SLAMF9: variants seen among roughly 807,000 people sequenced by gnomAD.
SLAMF9 encodes CD2 family member 10.
A neutral mutation model predicts 30.4 loss-of-function variants in SLAMF9; 25 were observed. The ratio of observed to expected loss-of-function variants is 0.82; its 90% CI spans 0.60 to 1.15. The LOEUF is 1.15. Ranked by LOEUF, SLAMF9 falls within the 50% of genes most tolerant of loss-of-function variation. SLAMF9 has a pLI of 0.00. For synonymous variants in SLAMF9, 129 were observed against 127.2 expected, an observed-to-expected ratio of 1.01 and a Z score of -0.09; for missense variants, 344 against 346.1, an observed-to-expected ratio of 0.99 and a Z score of 0.05.
At chr1:159,962,565 G>A in the SLAMF9 span, among the ~76,000 whole-genome samples, 3 of 152,066 alleles carry the variant, frequency 2.0e-5, no homozygotes, top group Non-Finnish European at 2.9e-5. Context: ...GGAGGGAACT[G>A]AGATTCAGAA....
the SLAMF9 span, among the ~76,000 whole-genome samples, chr1:159,975,740 C>T: frequency 6.6e-6 from 1 of 151,888 alleles, no homozygotes; most frequent in Non-Finnish European, 1.5e-5. Context: ...AAAAGGAGGG[C>T]GTAGATCAGA....
chr1:159,974,156 G>A, the SLAMF9 span: 1 of 905,778 alleles, frequency 1.1e-6, no homozygotes, highest in Non-Finnish European at 1.7e-6. Flanking sequence ...CTCTGCTGGG[G>A]ATGGAGGCCC....
the SLAMF9 span, among the ~76,000 whole-genome samples, chr1:159,966,519 A>T: frequency 6.6e-6 from 1 of 152,168 alleles, no homozygotes; most frequent in Non-Finnish European, 1.5e-5. Context: ...TTACATTTTT[A>T]GTTTTTTGAG....
intron 1 of SLAMF9, 98 bp from the exon 2 acceptor site, chr1:159,953,751 C>T (rs1214320666): frequency 1.8e-6 from 2 of 1,088,568 alleles, no homozygotes; most frequent in Admixed American, 5.4e-5. Flanking sequence ...CTCAGCTGGG[C>T]AGCTTCTATG....
the SLAMF9 span, among the ~76,000 whole-genome samples, chr1:159,966,627 T>A: frequency 1.3e-5 from 2 of 152,226 alleles, no homozygotes; most frequent in Non-Finnish European, 2.9e-5. Flanking sequence ...TCAACACATG[T>A]TATCTTTTAT....
At chr1:159,976,362 C>T in the SLAMF9 span, among the ~76,000 whole-genome samples, 7 of 152,148 alleles carry the variant, frequency 4.6e-5, no homozygotes, top group East Asian at 1.2e-3. Context: ...CTAAAAGCAA[C>T]ATGTGAAGCC....
chr1:159,961,431 T>A, the SLAMF9 span: 1 of 152,318 alleles, frequency 6.6e-6, no homozygotes, highest in East Asian at 1.9e-4. Context: ...ATCACCTCCC[T>A]CCCGAGGCAA....
At chr1:159,968,628 G>T in the SLAMF9 span, among the ~76,000 whole-genome samples, 6 of 152,296 alleles carry the variant, frequency 3.9e-5, no homozygotes, top group African/African-American at 1.2e-4. Flanking sequence ...AGGTGGCTCG[G>T]AGTTTGAGTC....
the SLAMF9 span, chr1:159,974,099 G>T: frequency 4.4e-4 from 642 of 1,465,912 alleles, 6 homozygotes; most frequent in South Asian, 4.1e-3. Context: ...CCCTGGAGCT[G>T]CAGGTCCCAT....
the SLAMF9 span, among the ~76,000 whole-genome samples, chr1:159,970,521 G>T: frequency 6.6e-6 from 1 of 152,232 alleles, no homozygotes; most frequent in African/African-American, 2.4e-5. Flanking sequence ...TGGAGTTGCT[G>T]CTGGAAAGCA....
chr1:159,952,492 G>A lies in SLAMF9; in HGVS notation c.434C>T (p.Ser145Phe). 1 of 1,614,042 alleles carries A rather than the reference G, an allele frequency of 6.2e-7. No individual in the cohort carries two copies. Among genetic ancestry groups the A allele is most frequent in the Non-Finnish European group, 8.5e-7 (1 of 1,179,994 alleles). Residue 145 changes from serine to phenylalanine, a missense_variant, in exon 3 of 4, where the codon TCT becomes TTT. Coordinates refer to ENST00000368093, the MANE Select transcript of SLAMF9 (RefSeq NM_033438.4). ...GGACATACTGCAGGCACCTTCCCCAGAACTCTCAAAGTTCACAGTGATCTG... is the reference window on the plus strand; with the variant it reads ...GGACATACTGCAGGCACCTTCCCCAAAACTCTCAAAGTTCACAGTGATCTG... ...EPQITVNFES[S>F]GEGACSMSLV...
rs1651871990 is a variant in SLAMF9 at position 159,954,145 on chromosome 1, G to A, written c.-8C>T. ...CCAAGGAAAGGCACACATGTCAGCAGCCCCCAGCCCCAGAGGTGTGATTCA... is the reference window on the plus strand; with the variant it reads ...CCAAGGAAAGGCACACATGTCAGCAACCCCCAGCCCCAGAGGTGTGATTCA... On this transcript the variant is annotated 5_prime_UTR_variant, in exon 1 of 4. Transcript: ENST00000368093. 1 of 1,613,964 alleles carries A rather than the reference G, an allele frequency of 6.2e-7. No homozygotes were observed. Among genetic ancestry groups the A allele is most frequent in the Non-Finnish European group, 8.5e-7 (1 of 1,179,998 alleles).
In SLAMF9 at chr1:159,952,279, T is replaced by C. The variant is rs1651772913; in HGVS notation, c.647A>G (p.Asp216Gly). The C allele has an allele frequency of 6.2e-7, 1 of 1,613,846 alleles. No homozygotes were observed. Among genetic ancestry groups the C allele is most frequent in the African/African-American group, 1.3e-5 (1 of 74,852 alleles). Residue 216 changes from aspartate (D) to glycine (G), a missense_variant, in exon 3 of 4, where the codon GAT becomes GGT. Transcript: ENST00000368093. ...ISNVSSCPIP[D>G]GPFYADPNYA... Reference sequence around the variant, plus strand: ...TCTGGTACCTGCATAGAAGGGCCCATCAGGGATGGGGCAAGAACTGACGTT... The same window carrying C: ...TCTGGTACCTGCATAGAAGGGCCCACCAGGGATGGGGCAAGAACTGACGTT...
chr1:159,971,120 C>G, the SLAMF9 span, among the ~76,000 whole-genome samples: 6 of 152,196 alleles, frequency 3.9e-5, no homozygotes, highest in Non-Finnish European at 7.3e-5. Context: ...AAAGGTCAGG[C>G]TGACACCTTT....
the SLAMF9 span, among the ~76,000 whole-genome samples, chr1:159,959,361 C>T: frequency 6.6e-6 from 1 of 152,100 alleles, no homozygotes; most frequent in African/African-American, 2.4e-5. Flanking sequence ...CTTCATCAGC[C>T]CCTGGACATC....
the SLAMF9 span, among the ~76,000 whole-genome samples, chr1:159,971,900 C>T: frequency 2.0e-5 from 3 of 152,124 alleles, no homozygotes; most frequent in Non-Finnish European, 4.4e-5. Context: ...CTGGGGAACT[C>T]AGAGGCCTGT....
chr1:159,953,794 G>A (rs1557943496), intron 1 of SLAMF9, 141 bp from the exon 2 acceptor site: 2 of 791,722 alleles, frequency 2.5e-6, no homozygotes, highest in Admixed American at 5.8e-5. Context: ...TCCAGCTGCT[G>A]CTTCTGACTC....
chr1:159,977,213 C>T, the SLAMF9 span: 1 of 152,110 alleles, frequency 6.6e-6, no homozygotes, highest in Non-Finnish European at 1.5e-5. Context: ...AAGGATAAAC[C>T]CTATCTTATA....
At chr1:159,954,027 C>T in intron 1 of SLAMF9, 65 bp downstream of exon 1, 1 of 1,601,518 alleles carries the variant, frequency 6.2e-7, no homozygotes, top group Non-Finnish European at 8.5e-7. Flanking sequence ...TGGCCCAGAC[C>T]CAGTGGGGCA....
Sources: gnomAD v4.1 joint callset for allele counts (sites outside exome capture counted in the v4.1 genomes callset) on GRCh38, gnomAD v4.1.1 for gene constraint, MANE v1.5 for transcripts, NCBI Gene and HGNC (gene_info 2026-07-23, HGNC 2026-07-21) for gene names.